The following PRIM2 variants were observed in gnomAD, a reference collection of about 807,000 sequenced individuals.
PRIM2 encodes DNA primase large subunit.
PRIM2 carries 39 observed loss-of-function variants against 67.3 expected under a neutral mutation model. The observed-to-expected ratio is 0.58, with a 90% confidence interval of 0.45 to 0.76. PRIM2 has a LOEUF of 0.76. Among genes scored for constraint, PRIM2 ranks in the 30% least tolerant of loss-of-function variants. The probability of loss-of-function intolerance (pLI) is 0.00; values close to 1 mark genes in which losing one functional copy is unlikely to be tolerated. For missense variants in PRIM2, 398 were observed against 598.7 expected, an observed-to-expected ratio of 0.66 and a Z score of 3.50; for synonymous variants, 143 against 198.7, an observed-to-expected ratio of 0.72 and a Z score of 2.36.
At chr6:57,451,123 A>G (rs1302128642) in intron 7 of PRIM2, among the ~76,000 whole-genome samples, 2 of 152,082 alleles carry the variant, frequency 1.3e-5, no homozygotes, top group African/African-American at 2.4e-5. Context: ...TAAATGTGAT[A>G]TAGTAAAATT....
At chr6:57,230,730 A>C in the PRIM2 span, among the ~76,000 whole-genome samples, 3 of 152,130 alleles carry the variant, frequency 2.0e-5, no homozygotes, top group Non-Finnish European at 4.4e-5. Flanking sequence ...TTAGGCAAAG[A>C]CCCTGGTACT....
intron 5 of PRIM2, among the ~76,000 whole-genome samples, chr6:57,369,995 C>A (rs928065227): frequency 6.6e-6 from 1 of 152,042 alleles, no homozygotes; most frequent in Admixed American, 6.5e-5. Context: ...TTATTTAATC[C>A]CAAGAAAAGC....
chr6:57,577,230 A>G (rs1204625833), intron 10 of PRIM2, among the ~76,000 whole-genome samples: 8 of 152,174 alleles, frequency 5.3e-5, no homozygotes, highest in African/African-American at 1.7e-4. Flanking sequence ...GGTAGAAGGA[A>G]TGGAGACTTT....
chr6:57,549,833 C>T (rs1224928520), intron 10 of PRIM2, among the ~76,000 whole-genome samples: 4 of 152,096 alleles, frequency 2.6e-5, no homozygotes, highest in Admixed American at 1.3e-4. Flanking sequence ...CGCCTGTAAT[C>T]CCAGCACTTT....
At chr6:57,508,384 A>T (rs1774293719) in intron 8 of PRIM2, among the ~76,000 whole-genome samples, 1 of 152,066 alleles carries the variant, frequency 6.6e-6, no homozygotes, top group African/African-American at 2.4e-5. Flanking sequence ...ATTGTTAGTG[A>T]CTACATTATA....
At chr6:57,288,222 G>T in the PRIM2 span, among the ~76,000 whole-genome samples, 1 of 152,176 alleles carries the variant, frequency 6.6e-6, no homozygotes, top group Admixed American at 6.5e-5. Flanking sequence ...GGCGTGGGGA[G>T]GGGGTGTCTG....
upstream of PRIM2, among the ~76,000 whole-genome samples, chr6:57,312,048 G>T (rs1325561696): frequency 2.6e-5 from 1 of 39,204 alleles, no homozygotes; most frequent in African/African-American, 1.2e-4. Flanking sequence ...AGGGGAGAGG[G>T]GAGAGGGGAG....
In PRIM2 at chr6:57,357,590, C is replaced by T. The variant is rs1439177077; in HGVS notation, c.460-22311C>T. On this transcript the variant is annotated intron_variant, in intron 5 of 13. Coordinates refer to ENST00000615550, the MANE Select transcript of PRIM2 (RefSeq NM_000947.5). ...TAAGTTTAGCGTAGAAACCCATCCT[C>T]TGTGGCTTTTTTTTTTTTTTTTGAG... 2.0e-5 allele frequency among the ~76,000 whole-genome samples: 3 copies of T among 147,394 alleles called. No homozygotes were observed. The East Asian group carries it at 5.9e-4, about 29-fold the overall frequency.
At chr6:57,312,014 G>T (rs971045417), upstream of PRIM2, among the ~76,000 whole-genome samples, 2 of 104,322 alleles carry the variant, frequency 1.9e-5, no homozygotes, top group African/African-American at 7.7e-5. Context: ...GTAGAAAGGG[G>T]AGAGGGGAGA....
intron 13 of PRIM2, among the ~76,000 whole-genome samples, chr6:57,636,248 T>C (rs1777119518): frequency 6.6e-6 from 1 of 152,166 alleles, no homozygotes. Flanking sequence ...AAATGCTCAC[T>C]TAATATTTCC....
At chr6:57,307,226 A>T in the PRIM2 span, among the ~76,000 whole-genome samples, 1 of 144,244 alleles carries the variant, frequency 6.9e-6, no homozygotes, top group South Asian at 2.3e-4. Context: ...AAAATAAAAA[A>T]AAAATAAAAA....
At chr6:57,323,229 G>A (rs913568702) in intron 3 of PRIM2, among the ~76,000 whole-genome samples, 11 of 152,096 alleles carry the variant, frequency 7.2e-5, no homozygotes, top group East Asian at 1.9e-4. Flanking sequence ...TATAGGCCAC[G>A]AAATTATATT....
intron 10 of PRIM2, among the ~76,000 whole-genome samples, chr6:57,569,012 G>T: frequency 6.6e-6 from 1 of 152,220 alleles, no homozygotes; most frequent in Non-Finnish European, 1.5e-5. Context: ...CTGAACTTCA[G>T]ATTGCTATTG....
At chr6:57,239,341 C>T in the PRIM2 span, among the ~76,000 whole-genome samples, 2 of 152,184 alleles carry the variant, frequency 1.3e-5, no homozygotes, top group Admixed American at 6.5e-5. Context: ...CAATACGTAT[C>T]ATGCTATTTA....
chr6:57,613,173 G>A (rs1350472437), intron 12 of PRIM2, among the ~76,000 whole-genome samples: 225 of 152,166 alleles, frequency 1.5e-3, no homozygotes, highest in Non-Finnish European at 2.6e-3. Flanking sequence ...TAGTAAAAAT[G>A]CAGTGGATTA....
chr6:57,351,594 A>G (rs1768858478), intron 5 of PRIM2, among the ~76,000 whole-genome samples: 1 of 152,144 alleles, frequency 6.6e-6, no homozygotes, highest in African/African-American at 2.4e-5. Flanking sequence ...ACTCCAAGCC[A>G]TCTGGTATAG....
chr6:57,326,939 TCA>T (rs1767886297), intron 5 of PRIM2, among the ~76,000 whole-genome samples: 1 of 146,136 alleles, frequency 6.8e-6, no homozygotes, highest in Admixed American at 6.9e-5. Context: ...CCTCACTCTG[TCA>T]TCCAGGCTGG....
At chr6:57,272,570 CTCTT>C in the PRIM2 span, among the ~76,000 whole-genome samples, 15 of 152,162 alleles carry the variant, frequency 9.9e-5, no homozygotes, top group African/African-American at 3.6e-4. Flanking sequence ...TGGTTCTTGA[CTCTT>C]TATCCAATTT....
intron 7 of PRIM2, among the ~76,000 whole-genome samples, chr6:57,506,341 GTTTTA>G (rs1422334634): frequency 6.6e-6 from 1 of 151,686 alleles, no homozygotes; most frequent in Non-Finnish European, 1.5e-5. Flanking sequence ...TTAGATGATA[GTTTTA>G]TTTGCATAAT....
Sources: gnomAD v4.1 joint callset for allele counts (sites outside exome capture counted in the v4.1 genomes callset) on GRCh38, gnomAD v4.1.1 for gene constraint, MANE v1.5 for transcripts, NCBI Gene and HGNC (gene_info 2026-07-23, HGNC 2026-07-21) for gene names.